The following DNAH12 variants were observed in gnomAD, a reference collection of about 807,000 sequenced individuals.
DNAH12 encodes the protein dynein axonemal heavy chain 12.
Under a neutral mutation model 371.5 loss-of-function variants are expected in DNAH12, and 285 were observed. The observed-to-expected ratio is 0.77, with a 90% CI of 0.70 to 0.85. The LOEUF is 0.85. Ranked by LOEUF, DNAH12 falls within the 40% of genes least tolerant of loss-of-function variation. The pLI is 0.00. For synonymous variants in DNAH12, 1,200 were observed against 1,213.0 expected (o/e 0.99, Z 0.22); for missense variants, 3,611 against 3,689.4 (o/e 0.98, Z 0.55).
intron 30 of DNAH12, among the ~76,000 whole-genome samples, chr3:57,436,414 C>G (rs1427581775): frequency 6.6e-6 from 1 of 152,118 alleles, no homozygotes; most frequent in African/African-American, 2.4e-5. Flanking sequence ...ACATGACCAG[C>G]TGGATTTCAG....
chr3:57,446,048 A>G lies in DNAH12; in HGVS notation c.4162T>C (p.Leu1388=), dbSNP rs1433439728. 1.9e-6 allele frequency: 3 copies of G among 1,549,820 alleles called. No individual in the cohort carries two copies. The highest frequency in any genetic ancestry group is 1.7e-6 in the Non-Finnish European group (2 of 1,146,100). Reference sequence around the variant, plus strand: ...AATATTACCTTAAGATTGTCCGGCAATTCAGAGCGTCCTGCATAGCCAGGA... The same window carrying G: ...AATATTACCTTAAGATTGTCCGGCAGTTCAGAGCGTCCTGCATAGCCAGGA... The part of the protein sequence containing the change: ...MNPGYAGRSE[L]PDNLKVLFRT... Residue 1388 remains leucine, a synonymous_variant, in exon 27 of 74, where the codon TTG becomes CTG. Transcript: ENST00000495027.
intron 27 of DNAH12, 114 bp from the exon 28 acceptor site, chr3:57,445,533 T>C (rs926441554): frequency 2.1e-6 from 2 of 944,048 alleles, no homozygotes; most frequent in East Asian, 6.6e-5. Flanking sequence ...ATGCAGCACC[T>C]TTTTCTAAAC....
intron 39 of DNAH12, among the ~76,000 whole-genome samples, chr3:57,412,115 C>A (rs896142372): frequency 7.9e-5 from 12 of 152,130 alleles, no homozygotes; most frequent in Non-Finnish European, 1.6e-4. Context: ...CACAGTGGCT[C>A]ATACCTATAA....
chr3:57,553,888 G>C, the DNAH12 span, among the ~76,000 whole-genome samples: 40 of 149,910 alleles, frequency 2.7e-4, no homozygotes, highest in African/African-American at 8.9e-4. Flanking sequence ...GCAGTGGCGC[G>C]ATCTCGGCTC....
chr3:57,543,645 G>C (rs1345044192), intron 1 of DNAH12, among the ~76,000 whole-genome samples: 1 of 151,058 alleles, frequency 6.6e-6, no homozygotes, highest in East Asian at 2.0e-4. Flanking sequence ...TTAAACATCA[G>C]TATGATATCT....
At position 57,502,402 on chromosome 3, in the gene DNAH12, C is replaced by G; in HGVS notation, c.1164G>C (p.Val388=). 6.2e-7 allele frequency: 1 copy of G among 1,614,142 alleles called. No individual in the cohort carries two copies. Among genetic ancestry groups the G allele is most frequent in the Non-Finnish European group, 8.5e-7 (1 of 1,180,016 alleles). ...VNLDTELPEH[V]LHWAVDTLKA... The stretch of plus-strand genomic sequence containing the variant: ...TCAGTGTATCAACAGCCCAGTGTAA[C>G]ACGTGTTCAGGAAGTTCTGTGTCAA... The change falls in exon 10 of 74, where the codon GTG becomes GTC. Residue 388 remains valine, a synonymous_variant. Transcript: ENST00000495027.
chr3:57,444,020 A>G (rs1168154139), intron 29 of DNAH12, among the ~76,000 whole-genome samples: 1 of 152,042 alleles, frequency 6.6e-6, no homozygotes, highest in Non-Finnish European at 1.5e-5. Context: ...CCTGCCCAAC[A>G]TGGAGAAACC....
chr3:57,522,544 A>T (rs932813132), intron 4 of DNAH12, among the ~76,000 whole-genome samples: 7 of 152,222 alleles, frequency 4.6e-5, no homozygotes, highest in African/African-American at 1.7e-4. Flanking sequence ...GGTAAGGAGG[A>T]AGAAGAGCAT....
chr3:57,485,806 T>G (rs2153384402), intron 12 of DNAH12, among the ~76,000 whole-genome samples: 1 of 152,202 alleles, frequency 6.6e-6, no homozygotes, highest in Non-Finnish European at 1.5e-5. Context: ...AGTAATATAA[T>G]GGACTTCGGG....
chr3:57,533,309 C>T (rs892362548), intron 2 of DNAH12, among the ~76,000 whole-genome samples: 2 of 152,164 alleles, frequency 1.3e-5, no homozygotes, highest in African/African-American at 4.8e-5. Flanking sequence ...ACCCCAAGAG[C>T]CCGCTTGGTG....
intron 57 of DNAH12, among the ~76,000 whole-genome samples, chr3:57,365,556 C>T (rs1163862719): frequency 6.6e-6 from 1 of 152,052 alleles, no homozygotes; most frequent in East Asian, 1.9e-4. Context: ...ATCACCATGG[C>T]ACACGTTTAC....
At chr3:57,395,345 T>C (rs2153348705) in intron 43 of DNAH12, among the ~76,000 whole-genome samples, 1 of 152,318 alleles carries the variant, frequency 6.6e-6, no homozygotes, top group South Asian at 2.1e-4. Context: ...ACAAACTGGC[T>C]GTAGTTCACA....
At chr3:57,425,348 A>G (rs2064732888) in intron 34 of DNAH12, among the ~76,000 whole-genome samples, 1 of 152,010 alleles carries the variant, frequency 6.6e-6, no homozygotes, top group Admixed American at 6.6e-5. Flanking sequence ...CCTGGGCTTA[A>G]GGGATCCTCC....
At chr3:57,352,029 G>T in intron 60 of DNAH12, 56 bp downstream of exon 60, 1 of 1,448,548 alleles carries the variant, frequency 6.9e-7, no homozygotes, top group South Asian at 1.5e-5. Flanking sequence ...TCACAGATTT[G>T]ATTTTCCAGG....
chr3:57,342,372 G>A (rs1308365472), intron 60 of DNAH12, among the ~76,000 whole-genome samples: 1 of 151,504 alleles, frequency 6.6e-6, no homozygotes, highest in Non-Finnish European at 1.5e-5. Flanking sequence ...CAGACGTGGT[G>A]GCTTATGCCT....
At chr3:57,397,372 G>C (rs2063766139) in intron 43 of DNAH12, among the ~76,000 whole-genome samples, 1 of 152,148 alleles carries the variant, frequency 6.6e-6, no homozygotes, top group African/African-American at 2.4e-5. Flanking sequence ...TCCCCCAGCT[G>C]GGCACAGTTT....
At chr3:57,302,548 T>TC (rs1282916684) in intron 69 of DNAH12, among the ~76,000 whole-genome samples, 2 of 96,176 alleles carry the variant, frequency 2.1e-5, no homozygotes, top group African/African-American at 7.5e-5. Context: ...TATATATATA[T>TC]ATATATATAT....
Position 57,453,292 on chromosome 3 carries a change from T to C in DNAH12, c.3568A>G (p.Ile1190Val), listed in dbSNP as rs2065809243. 4.5e-6 allele frequency: 7 copies of C among 1,549,428 alleles called. No individual in the cohort carries two copies. The highest frequency in any genetic ancestry group is 2.7e-5 in the African/African-American group (2 of 72,916). ...TRTTLGALVT[I>V]DVHARDVVMD... Reference sequence around the variant, plus strand: ...ACCACATCTCTAGCATGGACATCAATAGTAACCAAAGCCCCCAGAGTGGTC... The same window carrying C: ...ACCACATCTCTAGCATGGACATCAACAGTAACCAAAGCCCCCAGAGTGGTC... Residue 1190 changes from isoleucine (I) to valine (V), a missense_variant, in exon 24 of 74, where the codon ATT becomes GTT. This residue lies in a region of DNAH12 where 1,314 missense variants were observed against 1,398.7 expected (regional missense o/e 0.94). Transcript: ENST00000495027.
chr3:57,302,567 A>ATTTTTTTTTTTTTTTT (rs71088056), intron 69 of DNAH12, among the ~76,000 whole-genome samples: 4 of 27,484 alleles, frequency 1.5e-4, no homozygotes, highest in Non-Finnish European at 1.9e-4. Context: ...ATATATATGT[A>ATTTTTTTTTTTTTTTT]TTTTTTTTTT....
Sources: gnomAD v4.1 joint callset for allele counts (sites outside exome capture counted in the v4.1 genomes callset) on GRCh38, gnomAD v4.1.1 for gene constraint, gnomAD v4.1.1 regional missense constraint, MANE v1.5 for transcripts, NCBI Gene and HGNC (gene_info 2026-07-23, HGNC 2026-07-21) for gene names.